PCDHGA5: variants seen among roughly 807,000 people sequenced by gnomAD.
PCDHGA5 encodes protocadherin gamma-A5.
Under a neutral mutation model 56.7 loss-of-function variants are expected in PCDHGA5, and 36 were observed. The ratio of observed to expected loss-of-function variants is 0.64; its 90% CI spans 0.49 to 0.84. The LOEUF is 0.84. Among genes scored for constraint, PCDHGA5 ranks in the 40% least tolerant of loss-of-function variants. PCDHGA5 has a pLI of 0.00. For synonymous variants in PCDHGA5, 563 were observed against 520.2 expected (o/e 1.08, Z -1.12); for missense variants, 1,305 against 1,201.5 (o/e 1.09, Z -1.27).
chr5:141,510,032 T>C (rs1410346284), intron 3 of PCDHGA5, among the ~76,000 whole-genome samples: 3 of 152,150 alleles, frequency 2.0e-5, no homozygotes, highest in Non-Finnish European at 4.4e-5. Flanking sequence ...GCTGGGCTGT[T>C]ATGTAGAGGT....
chr5:141,503,912 A>AAC (rs34419983), intron 2 of PCDHGA5, among the ~76,000 whole-genome samples: 3 of 152,280 alleles, frequency 2.0e-5, no homozygotes, highest in East Asian at 3.9e-4. Context: ...CACACAACGC[A>AAC]ACACACACAC....
chr5:141,375,611 G>A lies in PCDHGA5; in HGVS notation c.2421+8860G>A, dbSNP rs1049659012. 8 of 1,614,060 alleles carry A rather than the reference G, an allele frequency of 5.0e-6. No individual in the cohort carries two copies. The African/African-American group carries it at 8.0e-5, about 16-fold the overall frequency. On this transcript the variant is annotated intron_variant, in intron 1 of 3. Transcript: ENST00000518069. ...GTCCTCCTACGTGTCCATCAACTCC[G>A]ACACTGGGATTCTGTACGCCCTGCG...
chr5:141,472,673 C>T (rs2099292538), intron 1 of PCDHGA5, among the ~76,000 whole-genome samples: 3 of 151,340 alleles, frequency 2.0e-5, no homozygotes, highest in Admixed American at 2.0e-4. Context: ...GTATACTGGT[C>T]CTTCCATTTC....
rs1054850118 is a variant in PCDHGA5, at chr5:141,366,673, T to C, written c.2343T>C (p.Ser781=). The C allele has an allele frequency of 6.2e-6, 10 of 1,614,120 alleles. No homozygotes were observed. The African/African-American group carries it at 1.3e-4, about 22-fold the overall frequency. ...PQPNYADTLL[S]EESCEKSEPL... The stretch of plus-strand genomic sequence containing the variant: ...CCAACTACGCAGACACGCTCCTTAG[T>C]GAAGAGAGCTGTGAGAAAAGCGAGC... The change falls in exon 1 of 4, where the codon AGT becomes AGC. Residue 781 remains serine (S), a synonymous_variant. Transcript: ENST00000518069.
chr5:141,379,819 A>T (rs1775847622), intron 1 of PCDHGA5, among the ~76,000 whole-genome samples: 1 of 150,144 alleles, frequency 6.7e-6, no homozygotes, highest in African/African-American at 2.4e-5. Context: ...TCAGTATAGA[A>T]TTTTGAAGCA....
intron 1 of PCDHGA5, chr5:141,478,109 T>G: frequency 1.2e-6 from 2 of 1,614,086 alleles, no homozygotes; most frequent in Non-Finnish European, 8.5e-7. Flanking sequence ...CCTCACTGTG[T>G]CAGTAACCGA....
chr5:141,471,879 G>A (rs1027572395), intron 1 of PCDHGA5, among the ~76,000 whole-genome samples: 7 of 152,218 alleles, frequency 4.6e-5, no homozygotes, highest in African/African-American at 1.7e-4. Context: ...GCCTGAGGCT[G>A]AAGCTAGGAA....
chr5:141,398,691 T>C, intron 1 of PCDHGA5: 1 of 1,613,876 alleles, frequency 6.2e-7, no homozygotes, highest in Non-Finnish European at 8.5e-7. Flanking sequence ...AACAGGATGG[T>C]AGTAAATACC....
intron 1 of PCDHGA5, chr5:141,374,905 CG>C: frequency 6.2e-7 from 1 of 1,613,734 alleles, no homozygotes; most frequent in Non-Finnish European, 8.5e-7. Flanking sequence ...AAGGAGTCCA[CG>C]GGGAAGTAAC....
At chr5:141,375,234 G>C (rs371683670) in intron 1 of PCDHGA5, 16 of 1,613,840 alleles carry the variant, frequency 9.9e-6, no homozygotes, top group African/African-American at 1.3e-5. Context: ...CTGGTAACCT[G>C]TTCCATCCCG....
chr5:141,397,510 C>T (rs979129643), intron 1 of PCDHGA5, among the ~76,000 whole-genome samples: 2 of 152,098 alleles, frequency 1.3e-5, no homozygotes, highest in African/African-American at 2.4e-5. Context: ...AAAATTGTTT[C>T]CATAGCTAAT....
chr5:141,405,838 T>C (rs1561702145), intron 1 of PCDHGA5, among the ~76,000 whole-genome samples: 4 of 152,300 alleles, frequency 2.6e-5, no homozygotes, highest in Admixed American at 2.0e-4. Flanking sequence ...TAGTATAAGT[T>C]GATATCAGTG....
At chr5:141,414,497 A>C (rs757597548) in intron 1 of PCDHGA5, 4 of 1,613,922 alleles carry the variant, frequency 2.5e-6, no homozygotes, top group Non-Finnish European at 3.4e-6. Context: ...ACGGAAGCTC[A>C]CTTTATGCTA....
chr5:141,394,729 A>T (rs765609733), intron 1 of PCDHGA5: 44 of 1,613,302 alleles, frequency 2.7e-5, no homozygotes, highest in African/African-American at 4.0e-5. Flanking sequence ...GATGCGCTCA[A>T]GCAGAGCCTC....
Position 141,486,407 on chromosome 5 carries a change from C to T in PCDHGA5, c.2422-8400C>T. The T allele has an allele frequency of 6.2e-7, 1 of 1,614,134 alleles. No individual in the cohort carries two copies. Among genetic ancestry groups the T allele is most frequent in the African/African-American group, 1.3e-5 (1 of 75,046 alleles). ...CCAGTTCTCCCTGGTGACTGCTGGA[C>T]CCTTGGATCGAGAGGCCAAATCTAG... On this transcript the variant is annotated intron_variant, in intron 1 of 3. Coordinates refer to ENST00000518069, the MANE Select transcript of PCDHGA5 (RefSeq NM_018918.3). This position sits in a 1 kb window ranked among gnomAD's most constrained non-coding sequence, Gnocchi z 5.0.
intron 1 of PCDHGA5, among the ~76,000 whole-genome samples, chr5:141,406,983 A>G (rs997882236): frequency 6.6e-6 from 1 of 152,250 alleles, no homozygotes; most frequent in Non-Finnish European, 1.5e-5. Context: ...AACATTTCAC[A>G]AGACATTTGA....
Position 141,431,980 on chromosome 5 carries a change from C to G in PCDHGA5, c.2422-62827C>G. The G allele has an allele frequency of 6.2e-7, 1 of 1,614,214 alleles. No homozygotes were observed. The highest frequency in any genetic ancestry group is 8.5e-7 in the Non-Finnish European group (1 of 1,180,024). ...GAAATTACTATAGTTTAGTCACAGACATAGTCTTGGATAGGGAACAGGTTC... is the reference window on the plus strand; with the variant it reads ...GAAATTACTATAGTTTAGTCACAGAGATAGTCTTGGATAGGGAACAGGTTC... On this transcript the variant is annotated intron_variant, in intron 1 of 3. Transcript: ENST00000518069. The surrounding 1 kb of genome is among the most constrained non-coding windows in gnomAD (Gnocchi z 4.8).
At chr5:141,471,571 A>G (rs1417147609) in intron 1 of PCDHGA5, 1 of 152,224 alleles carries the variant, frequency 6.6e-6, no homozygotes, top group African/African-American at 2.4e-5. Context: ...GGGTAGCAGT[A>G]GATAGGGTAA....
intron 1 of PCDHGA5, chr5:141,389,141 C>A: frequency 1.2e-6 from 2 of 1,613,998 alleles, no homozygotes; most frequent in Non-Finnish European, 8.5e-7. Flanking sequence ...ACAATATAAC[C>A]GTTACGGCAA....
Sources: allele counts gnomAD v4.1 joint callset (sites outside exome capture counted in the v4.1 genomes callset), GRCh38; gene constraint gnomAD v4.1.1; non-coding constraint Gnocchi (gnomAD v3.1); transcripts MANE v1.5; gene names NCBI Gene and HGNC (gene_info 2026-07-23, HGNC 2026-07-21).